Variants in HLA-DRB1 observed in about 807,000 individuals in gnomAD.
HLA-DRB1 encodes major histocompatibility complex, class II, DR beta 1.
Under a neutral mutation model 27.9 loss-of-function variants are expected in HLA-DRB1, and 10 were observed. That is an observed-to-expected ratio of 0.36 (90% CI 0.22 to 0.61). The LOEUF is 0.61. HLA-DRB1 is among the 20% of genes least tolerant of loss of function. The pLI, the probability that HLA-DRB1 is intolerant of heterozygous loss-of-function variation, is 0.73. For missense variants in HLA-DRB1, 118 were observed against 306.3 expected (o/e 0.39, Z 4.59); for synonymous variants, 57 against 126.7 (o/e 0.45, Z 3.69).
At position 32,580,803 on chromosome 6, in the gene HLA-DRB1, C is replaced by T. The variant is rs201698383; in HGVS notation, c.706G>A (p.Val236Met). Residue 236 changes from valine (V) to methionine (M), a missense_variant, in exon 4 of 6, where the codon GTG (valine) becomes ATG (methionine). Physicochemically the swap from Val to Met is conservative, Grantham distance 21. Coordinates refer to ENST00000360004, the Ensembl canonical transcript of HLA-DRB1. ...GCCCCAAGGAAGAGCAGGCCCAGCACAAAGCCCCCGACTCCACTCAGCATC... is the reference window on the plus strand; with the variant it reads ...GCCCCAAGGAAGAGCAGGCCCAGCATAAAGCCCCCGACTCCACTCAGCATC... The T allele has an allele frequency of 2.3e-4, 366 of 1,613,092 alleles. No homozygotes were observed. In the Admixed American group the frequency reaches 5.7e-3, roughly 25 times the overall value.
chr6:32,588,382 T>A (rs9270194), intron 1 of HLA-DRB1, among the ~76,000 whole-genome samples: 32,097 of 102,180 alleles, frequency 0.31, 2,988 homozygotes, highest in Middle Eastern at 0.44. Context: ...TGAGCATAAG[T>A]GGCAGAGGTT....
intron 1 of HLA-DRB1, among the ~76,000 whole-genome samples, chr6:32,587,786 C>T (rs34116989): frequency 0.042 from 4,217 of 100,158 alleles, 369 homozygotes; most frequent in East Asian, 0.065. Context: ...ACATTATCTT[C>T]TTTGTTAAAT....
intron 2 of HLA-DRB1, among the ~76,000 whole-genome samples, chr6:32,582,371 GC>G: frequency 8.7e-6 from 1 of 115,240 alleles, no homozygotes; most frequent in African/African-American, 3.7e-5. Context: ...CACTGTGAGG[GC>G]ACTCATCACA....
chr6:32,588,021 T>C (rs1776752579), intron 1 of HLA-DRB1, among the ~76,000 whole-genome samples: 1 of 150,582 alleles, frequency 6.6e-6, no homozygotes, highest in Non-Finnish European at 1.5e-5. Flanking sequence ...CAGCACTCTT[T>C]CATTTTAATG....
intron 1 of HLA-DRB1, among the ~76,000 whole-genome samples, chr6:32,588,294 A>G (rs1391699708): frequency 7.7e-6 from 1 of 130,340 alleles, no homozygotes; most frequent in African/African-American, 2.7e-5. Flanking sequence ...CATGTCTACC[A>G]AAATTACAAA....
At chr6:32,584,696 C>T (rs796657099) in intron 1 of HLA-DRB1, among the ~76,000 whole-genome samples, 30,318 of 84,508 alleles carry the variant, frequency 0.36, 1,930 homozygotes, top group Admixed American at 0.41. Context: ...GCCGCCTCCT[C>T]CTGGGAGCCC....
chr6:32,584,176 C>CAG lies in HLA-DRB1; in HGVS notation c.302_303insCT (p.Ala102TrpfsTer28). On this transcript the variant is annotated frameshift_variant, in exon 2 of 6. Transcript: ENST00000360004. LOFTEE classifies it high-confidence loss of function. ...GTCTGCAGTAGGTGTCCACCGCGGC[C>CAG]CGCGCCTGCTCCAGGATGTCCTTCT... 1 of 1,173,894 alleles carries CAG rather than the reference C, an allele frequency of 8.5e-7. No individual in the cohort carries two copies. The allele number at this position is 1,173,894 out of a possible 1,614,324, so 72.7% of individuals were successfully genotyped here. A position where few individuals can be genotyped will look rare whatever the true frequency, so the allele number is the denominator to read the frequency against.
At chr6:32,585,545 T>TC (rs9281881) in intron 1 of HLA-DRB1, among the ~76,000 whole-genome samples, 107,540 of 131,114 alleles carry the variant, frequency 0.82, 44,188 homozygotes, top group Middle Eastern at 0.86. Context: ...ACTTTTCTGA[T>TC]CCTATAACTG....
chr6:32,584,308 G>C (rs1059575), exon 2 of HLA-DRB1: 119,797 of 1,150,576 alleles, frequency 0.1, 4,312 homozygotes, highest in African/African-American at 0.24. Context: ...AGAAGTATCT[G>C]TCCAGGAACC....
At chr6:32,586,359 C>A (rs1776392980) in intron 1 of HLA-DRB1, among the ~76,000 whole-genome samples, 1 of 94,704 alleles carries the variant, frequency 1.1e-5, no homozygotes. Context: ...CCATTGACTG[C>A]AAATATCGAC....
At chr6:32,585,603 C>A (rs201521245) in intron 1 of HLA-DRB1, among the ~76,000 whole-genome samples, 1,261 of 111,296 alleles carry the variant, frequency 0.011, 1 homozygote, top group East Asian at 0.06. Flanking sequence ...CAATTAGTAT[C>A]TTCATCATGA....
At chr6:32,583,743 C>T (rs111659540) in intron 2 of HLA-DRB1, among the ~76,000 whole-genome samples, 4,402 of 40,680 alleles carry the variant, frequency 0.11, 538 homozygotes, top group East Asian at 0.18. Context: ...TTTCCCTTCC[C>T]TGCATCTCTA....
At chr6:32,587,812 G>T (rs34520288) in intron 1 of HLA-DRB1, among the ~76,000 whole-genome samples, 4,639 of 72,140 alleles carry the variant, frequency 0.064, 303 homozygotes, top group East Asian at 0.085. Context: ...TTGGGTTAGT[G>T]TCTGTCTCCT....
chr6:32,585,801 C>T (rs796390709), intron 1 of HLA-DRB1, among the ~76,000 whole-genome samples: 894 of 127,038 alleles, frequency 7.0e-3, no homozygotes, highest in South Asian at 0.016. Context: ...ATTTCCAGCA[C>T]TAAATTTGTA....
chr6:32,587,727 T>C (rs1383792895), intron 1 of HLA-DRB1, among the ~76,000 whole-genome samples: 1 of 72,042 alleles, frequency 1.4e-5, no homozygotes, highest in African/African-American at 6.9e-5. Context: ...TCCATGTCTC[T>C]CTTTTTCACA....
chr6:32,584,417 C>T (rs1776078465), intron 1 of HLA-DRB1, 39 bp from the exon 2 acceptor site: 1 of 815,792 alleles, frequency 1.2e-6, no homozygotes, highest in Non-Finnish European at 1.9e-6. Flanking sequence ...GGGCGGCCTC[C>T]TGAGAAGACA....
chr6:32,582,719 C>G (rs369254521), intron 2 of HLA-DRB1, among the ~76,000 whole-genome samples: 1,763 of 83,308 alleles, frequency 0.021, 255 homozygotes, highest in Middle Eastern at 0.078. Flanking sequence ...CCGTGCAACA[C>G]AAGCATAATT....
chr6:32,589,474 T>G (rs1777041549), intron 1 of HLA-DRB1, among the ~76,000 whole-genome samples, 169 bp downstream of exon 1: 1 of 98,584 alleles, frequency 1.0e-5, no homozygotes, highest in Non-Finnish European at 2.2e-5. Flanking sequence ...AGAGGGCAAG[T>G]ACCCAAGCTC....
At chr6:32,589,093 ACT>A (rs1581825393) in intron 1 of HLA-DRB1, among the ~76,000 whole-genome samples, 1,897 of 85,318 alleles carry the variant, frequency 0.022, 48 homozygotes, top group Middle Eastern at 0.053. Context: ...ACCTACATAC[ACT>A]ACAGGGATAC....
Sources: gnomAD v4.1 joint callset for allele counts (sites outside exome capture counted in the v4.1 genomes callset) on GRCh38, gnomAD v4.1.1 for gene constraint, MANE v1.5 for transcripts, NCBI Gene and HGNC (gene_info 2026-07-23, HGNC 2026-07-21) for gene names.